Variants in PTPRD observed in about 807,000 individuals in gnomAD.
The protein encoded by PTPRD is protein tyrosine phosphatase receptor type D.
PTPRD carries 34 observed loss-of-function variants against 214.5 expected under a neutral mutation model. That is an observed-to-expected ratio of 0.16 (90% CI 0.12 to 0.21). The LOEUF is 0.21. Ranked by LOEUF, PTPRD falls within the 10% of genes least tolerant of loss-of-function variation. The pLI is 1.00. For missense variants in PTPRD, 2,545 were observed against 2,398.7 expected (o/e 1.06, Z -1.27); for synonymous variants, 1,128 against 845.7 (o/e 1.33, Z -5.79).
intron 4 of PTPRD, among the ~76,000 whole-genome samples, chr9:10,005,811 C>T (rs1404104786): frequency 2.0e-5 from 3 of 151,862 alleles, no homozygotes; most frequent in African/African-American, 7.3e-5. Context: ...CTGAAATGCA[C>T]ACAAATTCAT....
chr9:9,536,047 G>C (rs186172904), intron 8 of PTPRD, among the ~76,000 whole-genome samples: 2 of 152,130 alleles, frequency 1.3e-5, no homozygotes, highest in African/African-American at 4.8e-5. Flanking sequence ...CTGGTAATCA[G>C]GGACAAGGAT....
chr9:10,211,313 G>A (rs150325753), intron 3 of PTPRD, among the ~76,000 whole-genome samples: 2 of 152,222 alleles, frequency 1.3e-5, no homozygotes, highest in African/African-American at 4.8e-5. Flanking sequence ...GCATCTTCAA[G>A]GGCAAATGCG....
intron 10 of PTPRD, among the ~76,000 whole-genome samples, chr9:9,156,412 C>G (rs1435690929): frequency 7.3e-5 from 11 of 151,340 alleles, no homozygotes; most frequent in Admixed American, 6.6e-4. Context: ...CAGATTCATA[C>G]TTGCTCACCT....
chr9:9,821,774 C>A (rs1387560461), intron 5 of PTPRD, among the ~76,000 whole-genome samples: 1 of 151,728 alleles, frequency 6.6e-6, no homozygotes, highest in Non-Finnish European at 1.5e-5. Flanking sequence ...GCCAATACCA[C>A]ATAGATAATA....
chr9:9,244,626 A>T (rs1307522098), intron 9 of PTPRD, among the ~76,000 whole-genome samples: 1 of 152,206 alleles, frequency 6.6e-6, no homozygotes, highest in Non-Finnish European at 1.5e-5. Flanking sequence ...CACCTTATAC[A>T]AAAATTAATT....
At chr9:10,578,978 C>T (rs561350850) in intron 2 of PTPRD, among the ~76,000 whole-genome samples, 5 of 151,982 alleles carry the variant, frequency 3.3e-5, no homozygotes, top group Admixed American at 6.6e-5. Flanking sequence ...CGTAGGTATA[C>T]ATGTGCCATG....
At chr9:8,337,060 A>G (rs982309024) in intron 43 of PTPRD, among the ~76,000 whole-genome samples, 1 of 152,160 alleles carries the variant, frequency 6.6e-6, no homozygotes, top group Non-Finnish European at 1.5e-5. Context: ...AGGATCTAGA[A>G]CCAGAAATAC....
At chr9:8,417,593 C>T (rs1468284844) in intron 35 of PTPRD, among the ~76,000 whole-genome samples, 1 of 152,136 alleles carries the variant, frequency 6.6e-6, no homozygotes. Context: ...TAACAAAGAA[C>T]TGCATTGCTT....
chr9:8,595,077 A>T (rs2154268658), intron 14 of PTPRD, among the ~76,000 whole-genome samples: 1 of 151,300 alleles, frequency 6.6e-6, no homozygotes, highest in Admixed American at 6.6e-5. Flanking sequence ...GTTAGCCAAA[A>T]TGGTCTAGAT....
intron 5 of PTPRD, among the ~76,000 whole-genome samples, chr9:9,789,277 T>G (rs1216970448): frequency 6.6e-6 from 1 of 152,188 alleles, no homozygotes. Flanking sequence ...TCAAGCGGAA[T>G]GCCTTGGCCT....
At chr9:8,348,505 C>T (rs529887290) in intron 39 of PTPRD, among the ~76,000 whole-genome samples, 60 of 152,126 alleles carry the variant, frequency 3.9e-4, no homozygotes, top group African/African-American at 1.4e-3. Context: ...TCTTTGTTGT[C>T]CTTTGACAAA....
intron 24 of PTPRD, among the ~76,000 whole-genome samples, 196 bp downstream of exon 24, chr9:8,500,558 G>GAAAAAAAAAAAAAAAAAAAAAAAAA (rs146807692): frequency 1.4e-4 from 2 of 14,310 alleles, no homozygotes; most frequent in Non-Finnish European, 2.3e-4. Flanking sequence ...TGAAAAAAAT[G>GAAAAAAAAAAAAAAAAAAAAAAAAA]AAAAAAAAAA....
chr9:8,464,529 T>C (rs570685717), intron 32 of PTPRD, among the ~76,000 whole-genome samples: 1 of 152,052 alleles, frequency 6.6e-6, no homozygotes, highest in South Asian at 2.1e-4. Flanking sequence ...CACTAACACC[T>C]GATGTGGAGA....
intron 44 of PTPRD, among the ~76,000 whole-genome samples, chr9:8,321,487 G>GTGTGTATATATATA (rs1168847469): frequency 4.0e-4 from 18 of 44,538 alleles, no homozygotes; most frequent in Admixed American, 6.2e-4. Context: ...GTGTGTGTGT[G>GTGTGTATATATATA]TATATATATA....
intron 17 of PTPRD, 69 bp from the exon 18 acceptor site, chr9:8,525,104 C>A (rs1305070285): frequency 1.5e-6 from 2 of 1,323,704 alleles, no homozygotes; most frequent in Non-Finnish European, 2.2e-6. Context: ...GAAAGCTAAA[C>A]CTCTTAACAA....
chr9:9,244,681 C>T (rs896447619), intron 9 of PTPRD, among the ~76,000 whole-genome samples: 1 of 152,074 alleles, frequency 6.6e-6, no homozygotes, highest in African/African-American at 2.4e-5. Context: ...ACCATAAAAA[C>T]CCTAGAAGAA....
chr9:10,237,170 A>G (rs997818757), intron 3 of PTPRD, among the ~76,000 whole-genome samples: 3 of 151,784 alleles, frequency 2.0e-5, no homozygotes, highest in African/African-American at 7.3e-5. Flanking sequence ...GAGGCTATGC[A>G]TGGGTTGGTG....
chr9:10,132,684 T>C (rs1250489441), intron 3 of PTPRD, among the ~76,000 whole-genome samples: 1 of 152,144 alleles, frequency 6.6e-6, no homozygotes, highest in Non-Finnish European at 1.5e-5. Flanking sequence ...AGAAGATAAA[T>C]GAGTAAGAGA....
intron 11 of PTPRD, among the ~76,000 whole-genome samples, chr9:8,919,840 G>GTGCATGCATCATGCATACATAGATGTACA: frequency 6.9e-6 from 1 of 145,084 alleles, no homozygotes; most frequent in East Asian, 2.1e-4. Context: ...GCATACATAC[G>GTGCATGCATCATGCATACATAGATGTACA]TGCATGTATC....
Sources: gnomAD v4.1 joint callset for allele counts (sites outside exome capture counted in the v4.1 genomes callset) on GRCh38, gnomAD v4.1.1 for gene constraint, MANE v1.5 for transcripts, NCBI Gene and HGNC (gene_info 2026-07-23, HGNC 2026-07-21) for gene names.